EPHA6: variants seen among roughly 807,000 people sequenced by gnomAD.
EPHA6 encodes ephrin type-A receptor 6.
Under a neutral mutation model 112.0 loss-of-function variants are expected in EPHA6, and 50 were observed. The ratio of observed to expected loss-of-function variants is 0.45; its 90% confidence interval spans 0.36 to 0.56. EPHA6 has a LOEUF of 0.56. Among genes scored for constraint, EPHA6 ranks in the 20% least tolerant of loss-of-function variants. The pLI, the probability that EPHA6 is intolerant of heterozygous loss-of-function variation, is 0.00. For missense variants in EPHA6, 1,280 were observed against 1,417.4 expected, an observed-to-expected ratio of 0.90 and a Z score of 1.56; for synonymous variants, 529 against 490.7, an observed-to-expected ratio of 1.08 and a Z score of -1.03.
chr3:97,179,717 G>GTCCCTCTC (rs2076932501), intron 3 of EPHA6, among the ~76,000 whole-genome samples: 2 of 119,110 alleles, frequency 1.7e-5, no homozygotes, highest in African/African-American at 7.7e-5. Context: ...AACCTACAGA[G>GTCCCTCTC]TCTCTCTCTC....
At chr3:97,621,998 C>CT (rs2093817742) in intron 13 of EPHA6, among the ~76,000 whole-genome samples, 2 of 151,746 alleles carry the variant, frequency 1.3e-5, no homozygotes, top group Admixed American at 1.3e-4. Context: ...TGCTAGTATG[C>CT]TAGTAGACCA....
At chr3:96,848,421 G>A (rs963160625) in intron 1 of EPHA6, among the ~76,000 whole-genome samples, 1 of 151,988 alleles carries the variant, frequency 6.6e-6, no homozygotes, top group African/African-American at 2.4e-5. Context: ...GAGGTCAGGA[G>A]TTTGAGACCA....
chr3:96,852,090 C>G (rs1304373069), intron 1 of EPHA6, among the ~76,000 whole-genome samples: 11 of 152,076 alleles, frequency 7.2e-5, no homozygotes, highest in Admixed American at 7.2e-4. Context: ...AGGACCATTT[C>G]AGTACAATGT....
chr3:97,708,532 T>C (rs1035108397), intron 14 of EPHA6, among the ~76,000 whole-genome samples: 10 of 152,198 alleles, frequency 6.6e-5, no homozygotes, highest in African/African-American at 2.4e-4. Context: ...GACCTTTTGG[T>C]AGAAAAGAAA....
intron 9 of EPHA6, among the ~76,000 whole-genome samples, chr3:97,480,964 C>T (rs7627089): frequency 0.19 from 28,575 of 151,190 alleles, 4,030 homozygotes; most frequent in African/African-American, 0.38. Flanking sequence ...GGATGGCGGC[C>T]GGGAAGAGGC....
chr3:97,036,752 T>G (rs1442500793), intron 3 of EPHA6, among the ~76,000 whole-genome samples: 1 of 152,016 alleles, frequency 6.6e-6, no homozygotes, highest in Non-Finnish European at 1.5e-5. Context: ...TTAATAATCT[T>G]CCTAGATGAT....
chr3:97,090,544 G>T (rs1261032445), intron 3 of EPHA6, among the ~76,000 whole-genome samples: 2 of 152,092 alleles, frequency 1.3e-5, no homozygotes, highest in East Asian at 3.9e-4. Flanking sequence ...GAAATGGAAG[G>T]GAAAAGGCAA....
At chr3:97,271,964 G>A (rs2079897524) in intron 5 of EPHA6, among the ~76,000 whole-genome samples, 2 of 152,094 alleles carry the variant, frequency 1.3e-5, no homozygotes, top group African/African-American at 4.8e-5. Flanking sequence ...TCTATTCTTA[G>A]TAAATTTACA....
intron 5 of EPHA6, among the ~76,000 whole-genome samples, chr3:97,309,892 GTTGAC>G (rs1012320268): frequency 6.6e-6 from 1 of 151,558 alleles, no homozygotes; most frequent in African/African-American, 2.4e-5. Context: ...TTTCAAAGTT[GTTGAC>G]TTAACTGTTT....
In EPHA6 at chr3:97,483,965, T is replaced by C; in HGVS notation, c.2106T>C (p.Asp702=). 6.2e-7 allele frequency: 1 copy of C among 1,605,978 alleles called. No individual in the cohort carries two copies. Among genetic ancestry groups the C allele is most frequent in the Non-Finnish European group, 8.5e-7 (1 of 1,176,552 alleles). ...TCCCGGGAATTAAAACTTACATTGA[T>C]CCAGATACATATGAAGACCCATCCC... ...LRFPGIKTYI[D]PDTYEDPSLA... Residue 702 remains aspartate (D), a synonymous_variant, in exon 10 of 18, where the codon GAT becomes GAC. Coordinates refer to ENST00000389672, the MANE Select transcript of EPHA6 (RefSeq NM_001080448.3).
chr3:97,063,017 G>A (rs905034227), intron 3 of EPHA6, among the ~76,000 whole-genome samples: 2 of 151,888 alleles, frequency 1.3e-5, no homozygotes, highest in African/African-American at 2.4e-5. Flanking sequence ...TCTCATACCA[G>A]TCAGAATGGC....
At chr3:97,076,364 T>C (rs1429965682) in intron 3 of EPHA6, among the ~76,000 whole-genome samples, 1 of 152,178 alleles carries the variant, frequency 6.6e-6, no homozygotes, top group Non-Finnish European at 1.5e-5. Context: ...CAACATTCCG[T>C]TAAGCCAAAA....
At chr3:96,826,732 C>T (rs1305781637) in intron 1 of EPHA6, among the ~76,000 whole-genome samples, 1 of 151,972 alleles carries the variant, frequency 6.6e-6, no homozygotes, top group Non-Finnish European at 1.5e-5. Flanking sequence ...CCCAAGCTGT[C>T]TTTTAATTGT....
chr3:97,256,766 T>A (rs1216900053), intron 5 of EPHA6, among the ~76,000 whole-genome samples: 1 of 152,046 alleles, frequency 6.6e-6, no homozygotes, highest in East Asian at 1.9e-4. Context: ...GTTTATATAG[T>A]GAAATGTCAT....
intron 1 of EPHA6, 61 bp from the exon 2 acceptor site, chr3:96,866,759 ATAATT>A (rs2036338257): frequency 2.4e-6 from 2 of 830,358 alleles, no homozygotes; most frequent in Admixed American, 3.4e-5. Flanking sequence ...TATAACTTTA[ATAATT>A]TAATATATTT....
At chr3:97,637,751 C>A in intron 13 of EPHA6, 122 bp from the exon 14 acceptor site, 1 of 720,984 alleles carries the variant, frequency 1.4e-6, no homozygotes, top group Admixed American at 2.5e-5. Context: ...AGTCAGTGAT[C>A]ACCAAAGTTG....
chr3:97,716,574 CAAAAAAAAAAA>C (rs1218426459), intron 14 of EPHA6, among the ~76,000 whole-genome samples: 1 of 37,272 alleles, frequency 2.7e-5, no homozygotes, highest in Non-Finnish European at 4.9e-5. Context: ...GACTCCGTCT[CAAAAAAAAAAA>C]AAAAAAAAAA....
chr3:96,864,567 C>G (rs1307247667), intron 1 of EPHA6, among the ~76,000 whole-genome samples: 2 of 151,892 alleles, frequency 1.3e-5, no homozygotes, highest in East Asian at 3.9e-4. Context: ...TATAAAGGGC[C>G]ACAAGAAATT....
intron 15 of EPHA6, among the ~76,000 whole-genome samples, chr3:97,725,962 A>AAT (rs2107812810): frequency 6.6e-6 from 1 of 152,224 alleles, no homozygotes; most frequent in African/African-American, 2.4e-5. Flanking sequence ...TGAGGTTCAA[A>AAT]ATACCCAGCT....
Sources: gnomAD v4.1 joint callset for allele counts (sites outside exome capture counted in the v4.1 genomes callset) on GRCh38, gnomAD v4.1.1 for gene constraint, MANE v1.5 for transcripts, NCBI Gene and HGNC (gene_info 2026-07-23, HGNC 2026-07-21) for gene names.